Variants in SLC24A2 observed in about 807,000 individuals in gnomAD.
The protein encoded by SLC24A2 is sodium/potassium/calcium exchanger 2.
A neutral mutation model predicts 62.0 loss-of-function variants in SLC24A2; 36 were observed. That is an observed-to-expected ratio of 0.58 (90% CI 0.44 to 0.77). The LOEUF is 0.77. Among genes scored for constraint, SLC24A2 ranks in the 30% least tolerant of loss-of-function variants. The pLI, the probability that SLC24A2 is intolerant of heterozygous loss-of-function variation, is 0.00. For missense variants in SLC24A2, 846 were observed against 817.9 expected (o/e 1.03, Z -0.42); for synonymous variants, 358 against 294.0 (o/e 1.22, Z -2.23).
At chr9:19,566,269 G>GAA (rs1177725401) in intron 7 of SLC24A2, among the ~76,000 whole-genome samples, 4 of 149,584 alleles carry the variant, frequency 2.7e-5, no homozygotes, top group African/African-American at 7.4e-5. Context: ...AAATTTACAA[G>GAA]AAAAAAACAA....
chr9:19,768,306 T>C (rs896599336), intron 2 of SLC24A2, among the ~76,000 whole-genome samples: 39 of 152,202 alleles, frequency 2.6e-4, no homozygotes, highest in African/African-American at 9.2e-4. Context: ...TTGAACCCAC[T>C]TGGCCAGGTT....
At chr9:19,790,641 G>T (rs1823306606), upstream of SLC24A2, among the ~76,000 whole-genome samples, 1 of 151,886 alleles carries the variant, frequency 6.6e-6, no homozygotes, top group Non-Finnish European at 1.5e-5. Flanking sequence ...TTGCTTGATG[G>T]TTCAGAGGGA....
the SLC24A2 span, among the ~76,000 whole-genome samples, chr9:19,891,732 C>T: frequency 2.6e-5 from 4 of 151,954 alleles, no homozygotes; most frequent in Non-Finnish European, 4.4e-5. Context: ...GGTGACAGAG[C>T]GAGATCCTGT....
At chr9:20,015,083 G>C in the SLC24A2 span, among the ~76,000 whole-genome samples, 4 of 152,172 alleles carry the variant, frequency 2.6e-5, no homozygotes, top group Admixed American at 2.0e-4. Flanking sequence ...AGAATATGTA[G>C]TTGGGGTAGG....
intron 7 of SLC24A2, among the ~76,000 whole-genome samples, chr9:19,569,470 G>A (rs73648718): frequency 0.04 from 6,139 of 152,278 alleles, 407 homozygotes; most frequent in African/African-American, 0.14. Context: ...GGAGGGTGAA[G>A]TCCAGACTGG....
chr9:20,294,858 A>G, the SLC24A2 span, among the ~76,000 whole-genome samples: 1 of 152,134 alleles, frequency 6.6e-6, no homozygotes, highest in African/African-American at 2.4e-5. Flanking sequence ...TGTTCCTACA[A>G]GCCTGAGCTC....
chr9:19,786,323 C>T lies in SLC24A2; in HGVS notation c.544G>A (p.Ala182Thr), dbSNP rs1228477820. ...AAAAGTTCTGGGGCTGACCCTCCTG[C>T]AGCCATGAAGGTGGCTCCAGCCACA... The part of the protein sequence containing the change: ...DDVAGATFMA[A>T]GGSAPELFTS... The change falls in exon 2 of 11, where the codon GCA becomes ACA. Residue 182 changes from alanine (A) to threonine (T), a missense_variant. Physicochemically the swap from Ala to Thr is moderately conservative, Grantham distance 58. Coordinates refer to ENST00000341998, the MANE Select transcript of SLC24A2 (RefSeq NM_020344.4). The surrounding 1 kb of genome is among the most constrained non-coding windows in gnomAD (Gnocchi z 5.0). 2 of 1,614,158 alleles carry T rather than the reference C, an allele frequency of 1.2e-6. No homozygotes were observed. The highest frequency in any genetic ancestry group is 1.7e-5 in the Admixed American group (1 of 60,026).
intron 6 of SLC24A2, 111 bp downstream of exon 6, chr9:19,576,813 G>T (rs1223238780): frequency 1.6e-6 from 1 of 628,462 alleles, no homozygotes; most frequent in Non-Finnish European, 2.7e-6. Flanking sequence ...GGGCTGTGCT[G>T]CAGCGGTGTG....
chr9:19,977,910 T>G, the SLC24A2 span, among the ~76,000 whole-genome samples: 1 of 152,130 alleles, frequency 6.6e-6, no homozygotes, highest in African/African-American at 2.4e-5. Flanking sequence ...AAAGACCATG[T>G]TCCTGGGATA....
chr9:20,113,529 GT>G, the SLC24A2 span, among the ~76,000 whole-genome samples: 7 of 152,074 alleles, frequency 4.6e-5, no homozygotes, highest in African/African-American at 7.2e-5. Context: ...AGCTTCACTA[GT>G]TTTTAACTGA....
At chr9:19,963,695 C>T in the SLC24A2 span, among the ~76,000 whole-genome samples, 1 of 152,038 alleles carries the variant, frequency 6.6e-6, no homozygotes, top group Non-Finnish European at 1.5e-5. Context: ...GTTAGAATGA[C>T]AATCATTAAA....
chr9:19,517,910 AACACACACACACACACACACACAC>A (rs56840950), intron 10 of SLC24A2, among the ~76,000 whole-genome samples: 8 of 131,630 alleles, frequency 6.1e-5, no homozygotes, highest in South Asian at 2.8e-4. Context: ...TTCTTATTAA[AACACACACACACACACACACACAC>A]ACACACACAC....
chr9:20,216,885 G>A, the SLC24A2 span, among the ~76,000 whole-genome samples: 2 of 152,240 alleles, frequency 1.3e-5, no homozygotes, highest in South Asian at 2.1e-4. Flanking sequence ...AAGGCAGAGA[G>A]AGAAAAAATA....
the SLC24A2 span, among the ~76,000 whole-genome samples, chr9:20,116,347 T>A: frequency 6.6e-6 from 1 of 152,156 alleles, no homozygotes; most frequent in South Asian, 2.1e-4. Flanking sequence ...TTAGAACCCT[T>A]AAGCACTTTA....
the SLC24A2 span, among the ~76,000 whole-genome samples, chr9:20,037,891 T>G: frequency 6.6e-6 from 1 of 152,156 alleles, no homozygotes; most frequent in Non-Finnish European, 1.5e-5. Context: ...GCCCCAAATG[T>G]CAAAAATGCT....
the SLC24A2 span, among the ~76,000 whole-genome samples, chr9:20,264,443 A>G: frequency 1.3e-5 from 2 of 152,174 alleles, no homozygotes; most frequent in Non-Finnish European, 1.5e-5. Flanking sequence ...CCCTTCTCCA[A>G]AGATTCTCCT....
chr9:19,943,022 T>G, the SLC24A2 span, among the ~76,000 whole-genome samples: 8 of 152,086 alleles, frequency 5.3e-5, no homozygotes, highest in Non-Finnish European at 1.0e-4. Context: ...GCTGAAGAAA[T>G]TATTGTTGAT....
chr9:20,241,165 A>G, the SLC24A2 span, among the ~76,000 whole-genome samples: 2 of 152,256 alleles, frequency 1.3e-5, no homozygotes, highest in African/African-American at 2.4e-5. Context: ...ACACGCATCC[A>G]GTGCTCACCT....
At chr9:20,144,777 T>C in the SLC24A2 span, among the ~76,000 whole-genome samples, 3 of 152,124 alleles carry the variant, frequency 2.0e-5, no homozygotes, top group Non-Finnish European at 4.4e-5. Context: ...GTTTGCCTCG[T>C]TCGGTGCTAT....
Sources: allele counts gnomAD v4.1 joint callset (sites outside exome capture counted in the v4.1 genomes callset), GRCh38; gene constraint gnomAD v4.1.1; non-coding constraint Gnocchi (gnomAD v3.1); transcripts MANE v1.5; gene names NCBI Gene and HGNC (gene_info 2026-07-23, HGNC 2026-07-21).